IQSEC3: variants seen among roughly 807,000 people sequenced by gnomAD.
The protein encoded by IQSEC3 is IQ motif and SEC7 domain-containing protein 3.
Under a neutral mutation model 105.4 loss-of-function variants are expected in IQSEC3, and 50 were observed. The observed-to-expected ratio is 0.47, with a 90% confidence interval of 0.38 to 0.60. The LOEUF is 0.60. Among genes scored for constraint, IQSEC3 ranks in the 20% least tolerant of loss-of-function variants. IQSEC3 has a pLI of 0.00. For missense variants in IQSEC3, 1,415 were observed against 1,630.0 expected (o/e 0.87, Z 2.27); for synonymous variants, 708 against 746.0 (o/e 0.95, Z 0.83).
intron 2 of IQSEC3, among the ~76,000 whole-genome samples, chr12:116,329 T>C (rs1479648325): frequency 6.6e-6 from 1 of 152,212 alleles, no homozygotes; most frequent in Non-Finnish European, 1.5e-5. Context: ...TGACCCTGGC[T>C]GCAGCCTCAT....
chr12:157,428 C>T (rs577649789), intron 6 of IQSEC3, 100 bp from the exon 7 acceptor site: 16 of 1,301,280 alleles, frequency 1.2e-5, no homozygotes, highest in South Asian at 1.2e-4. Flanking sequence ...CTAAAGCCTT[C>T]GGAGAGCTGG....
intron 1 of IQSEC3, among the ~76,000 whole-genome samples, chr12:81,803 A>G (rs1164956051): frequency 6.6e-6 from 1 of 152,184 alleles, no homozygotes; most frequent in African/African-American, 2.4e-5. Context: ...TTTGCAATGC[A>G]CACAACACTA....
At chr12:103,888 GGGAGGGGAGGCGGGGCTCA>G (rs1864549167) in intron 2 of IQSEC3, among the ~76,000 whole-genome samples, 1 of 63,914 alleles carries the variant, frequency 1.6e-5, no homozygotes. Flanking sequence ...GCGGGGGCTC[GGGAGGGGAGGCGGGGCTCA>G]GGAGGGGGAA....
intron 1 of IQSEC3, among the ~76,000 whole-genome samples, chr12:87,293 C>T (rs1305224501): frequency 6.6e-6 from 1 of 152,090 alleles, no homozygotes; most frequent in African/African-American, 2.4e-5. Context: ...TTTGGGCTTC[C>T]TCCCAGCATG....
intron 1 of IQSEC3, among the ~76,000 whole-genome samples, chr12:71,161 T>A (rs1451506917): frequency 6.6e-6 from 1 of 152,298 alleles, no homozygotes; most frequent in African/African-American, 2.4e-5. Flanking sequence ...CTGGATGTGC[T>A]TTTTATCCTG....
intron 5 of IQSEC3, among the ~76,000 whole-genome samples, chr12:151,549 T>G (rs1555092705): frequency 6.6e-6 from 1 of 152,230 alleles, no homozygotes; most frequent in East Asian, 1.9e-4. Context: ...TCTTCTTCCC[T>G]GCCCCTCTGC....
In IQSEC3 at chr12:82,727, G is replaced by A. The variant is rs138599052; in HGVS notation, c.554+15291G>A. ...CGATGTGTCCTAATAACACCTTCCC[G>A]AGCTAGGCTCCATTCTGTATTCCAA... On this transcript the variant is annotated intron_variant, in intron 1 of 13. Coordinates refer to ENST00000538872, the MANE Select transcript of IQSEC3 (RefSeq NM_001170738.2). 9.9e-5 allele frequency among the ~76,000 whole-genome samples: 15 copies of A among 152,260 alleles called. No individual in the cohort carries two copies. In the East Asian group the frequency reaches 1.2e-3, roughly 12 times the overall value.
chr12:99,111 T>G, intron 1 of IQSEC3, 35 bp from the exon 2 acceptor site: 1 of 1,583,122 alleles, frequency 6.3e-7, no homozygotes, highest in African/African-American at 1.3e-5. Flanking sequence ...CCAGCCTGCC[T>G]CAGGCGCTCT....
chr12:147,099 C>T (rs1465926683), intron 5 of IQSEC3, among the ~76,000 whole-genome samples: 2 of 152,212 alleles, frequency 1.3e-5, no homozygotes, highest in Non-Finnish European at 2.9e-5. Flanking sequence ...CTACCTGCCA[C>T]CCAGTCCTCC....
intron 7 of IQSEC3, among the ~76,000 whole-genome samples, chr12:157,900 C>T (rs1248009683): frequency 1.3e-5 from 2 of 152,280 alleles, no homozygotes; most frequent in African/African-American, 2.4e-5. Flanking sequence ...CACCGCTCTA[C>T]CAAACAGCAA....
chr12:100,152 A>G (rs1487271922), intron 2 of IQSEC3, among the ~76,000 whole-genome samples: 1 of 152,168 alleles, frequency 6.6e-6, no homozygotes, highest in Non-Finnish European at 1.5e-5. Flanking sequence ...TCATCTGGAT[A>G]GTGAAGGGCT....
rs1208174131 is a variant in IQSEC3, at chr12:81,043, G to A, written c.554+13607G>A. Among the ~76,000 whole-genome samples, 8 of 152,346 alleles carry A rather than the reference G, an allele frequency of 5.3e-5. No homozygotes were observed. In the East Asian group the frequency reaches 1.5e-3, roughly 29 times the overall value. On this transcript the variant is annotated intron_variant, in intron 1 of 13. Transcript: ENST00000538872. ...TGCAGGCGCGTAGCAGATCTTGTAA[G>A]AGATTCTCAACTGGGATTTCCAGGT...
At position 130,971 on chromosome 12, in the gene IQSEC3, C is replaced by T. The variant is rs58564438; in HGVS notation, c.903+5059C>T. 7.4e-3 allele frequency among the ~76,000 whole-genome samples: 1,122 copies of T among 150,752 alleles called. 20 individuals carry two copies. Among genetic ancestry groups the T allele is most frequent in the African/African-American group, 0.027 (1,078 of 40,532 alleles). ...ATGGGAACAAACCCTTGGAAGCCCC[C>T]CACACCTCCCCGCGATCCTCAGCAC... On this transcript the variant is annotated intron_variant, in intron 3 of 13. Transcript: ENST00000538872.
intron 7 of IQSEC3, 145 bp from the exon 8 acceptor site, chr12:161,781 G>A (rs1273957907): frequency 1.2e-5 from 8 of 690,974 alleles, no homozygotes; most frequent in Non-Finnish European, 1.9e-5. Flanking sequence ...ATGGGTATGA[G>A]GCACCAGCCA....
chr12:80,641 T>C (rs1463104337), intron 1 of IQSEC3, among the ~76,000 whole-genome samples: 1 of 151,982 alleles, frequency 6.6e-6, no homozygotes, highest in African/African-American at 2.4e-5. Context: ...GGCCCTGGGG[T>C]ATAGCAGTGA....
chr12:173,990 G>A (rs1288901591), intron 13 of IQSEC3, among the ~76,000 whole-genome samples: 3 of 152,202 alleles, frequency 2.0e-5, no homozygotes, highest in Non-Finnish European at 4.4e-5. Flanking sequence ...CAGCTGGGGA[G>A]CTGACTCTGC....
intron 2 of IQSEC3, among the ~76,000 whole-genome samples, chr12:116,742 G>T (rs1865061480): frequency 6.6e-6 from 1 of 152,050 alleles, no homozygotes; most frequent in Non-Finnish European, 1.5e-5. Context: ...CTCCCACGAG[G>T]CTCCCACGAG....
In IQSEC3 at chr12:125,722, C is replaced by A. The variant is rs1049814565; in HGVS notation, c.713C>A (p.Ala238Asp). ...AVAAGRPSAH[A>D]PKAQAQELQE... is the part of the protein sequence containing the mutation. ...GCAGCCGGCAGACCCAGTGCCCATG[C>A]CCCGAAGGCTCAAGCCCAGGAGCTG... The change falls in exon 3 of 14, where the codon GCC becomes GAC. Residue 238 changes from alanine to aspartate, a missense_variant. Coordinates refer to ENST00000538872, the MANE Select transcript of IQSEC3 (RefSeq NM_001170738.2). The A allele has an allele frequency of 3.9e-6, 6 of 1,531,242 alleles. No individual in the cohort carries two copies. Among genetic ancestry groups the A allele is most frequent in the Non-Finnish European group, 5.2e-6 (6 of 1,149,122 alleles). The allele number at this position is 1,531,242 out of a possible 1,614,324, so 94.9% of individuals were successfully genotyped here.
At chr12:114,256 G>T (rs953385) in intron 2 of IQSEC3, among the ~76,000 whole-genome samples, 1 of 152,022 alleles carries the variant, frequency 6.6e-6, no homozygotes, top group African/African-American at 2.4e-5. Flanking sequence ...AGAAAGTACA[G>T]GCCACATGCT....
Sources: gnomAD v4.1 joint callset for allele counts (sites outside exome capture counted in the v4.1 genomes callset) on GRCh38, gnomAD v4.1.1 for gene constraint, MANE v1.5 for transcripts, NCBI Gene and HGNC (gene_info 2026-07-23, HGNC 2026-07-21) for gene names.